Variants in ABCB1 observed in about 807,000 individuals in gnomAD.
ABCB1 encodes ATP-dependent translocase ABCB1.
A neutral mutation model predicts 142.0 loss-of-function variants in ABCB1; 69 were observed. The ratio of observed to expected loss-of-function variants is 0.49; its 90% confidence interval spans 0.40 to 0.59. The LOEUF (loss-of-function observed/expected upper bound fraction) is 0.59. Ranked by LOEUF, ABCB1 falls within the 20% of genes least tolerant of loss-of-function variation. The pLI is 0.00. For missense variants in ABCB1, 1,326 were observed against 1,554.7 expected (o/e 0.85, Z 2.47); for synonymous variants, 532 against 539.2 (o/e 0.99, Z 0.18).
chr7:87,629,974 G>GT (rs1821044074), intron 1 of ABCB1, among the ~76,000 whole-genome samples: 1 of 151,726 alleles, frequency 6.6e-6, no homozygotes, highest in Non-Finnish European at 1.5e-5. Context: ...GAGATAACTG[G>GT]TTTTTAACAT....
rs986694671 is a variant in ABCB1, at chr7:87,513,905, C to T, written c.3282+1326G>A. 2.0e-5 allele frequency among the ~76,000 whole-genome samples: 3 copies of T among 152,282 alleles called. No individual in the cohort carries two copies. In the South Asian group the frequency reaches 6.2e-4, roughly 32 times the overall value. On this transcript the variant is annotated intron_variant, in intron 25 of 27. Transcript: ENST00000622132. ...CAGTGTCTGAGAGCTAACATTTCCT[C>T]CTCTAATTGCTTTGGCTGTCAGCGA...
Position 87,553,779 on chromosome 7 carries a change from A to C in ABCB1, c.981T>G (p.Ser327=), listed in dbSNP as rs200490161. Residue 327 remains serine (S), a synonymous_variant, in exon 9 of 28, where the codon TCT becomes TCG. Transcript: ENST00000622132. The stretch of plus-strand genomic sequence containing the variant: ...CACTTACAGTGAGTACTTGTCCAAT[A>C]GAATATTCCCCTGAGAGGACCAAGG... ...GTTLVLSGEY[S]IGQVLTVFFS... The C allele has an allele frequency of 6.2e-7, 1 of 1,613,956 alleles. No individual in the cohort carries two copies. Among genetic ancestry groups the C allele is most frequent in the African/African-American group, 1.3e-5 (1 of 74,932 alleles).
chr7:87,641,813 C>T (rs1267822286), intron 1 of ABCB1, among the ~76,000 whole-genome samples: 1 of 152,050 alleles, frequency 6.6e-6, no homozygotes, highest in Non-Finnish European at 1.5e-5. Context: ...TGGTGATTGT[C>T]TTTAGAAGAG....
chr7:87,621,497 A>G (rs1337533001), intron 1 of ABCB1, among the ~76,000 whole-genome samples: 1 of 152,138 alleles, frequency 6.6e-6, no homozygotes. Flanking sequence ...AGATAACTCT[A>G]TAAATATCAA....
At chr7:87,634,045 A>G (rs1003296615) in intron 1 of ABCB1, among the ~76,000 whole-genome samples, 2 of 152,104 alleles carry the variant, frequency 1.3e-5, no homozygotes, top group Non-Finnish European at 2.9e-5. Flanking sequence ...AGGTGTGAAG[A>G]GAGACCAAAC....
chr7:87,520,922 TG>T, intron 21 of ABCB1, 46 bp from the exon 22 acceptor site: 1 of 1,401,282 alleles, frequency 7.1e-7, no homozygotes, highest in Non-Finnish European at 1.0e-6. Flanking sequence ...GAGTAAATAG[TG>T]GTGATTAATT....
chr7:87,548,460 C>T (rs1001071492), intron 14 of ABCB1, among the ~76,000 whole-genome samples: 5 of 152,170 alleles, frequency 3.3e-5, no homozygotes, highest in African/African-American at 9.7e-5. Flanking sequence ...AGAATCCCAT[C>T]GGCCTCTATT....
intron 1 of ABCB1, among the ~76,000 whole-genome samples, chr7:87,647,470 C>T (rs956461630): frequency 6.6e-6 from 1 of 152,032 alleles, no homozygotes; most frequent in Non-Finnish European, 1.5e-5. Context: ...AAGATATTTG[C>T]AAACATGTAA....
chr7:87,543,356 T>C (rs1430256763), intron 17 of ABCB1, among the ~76,000 whole-genome samples: 1 of 152,124 alleles, frequency 6.6e-6, no homozygotes, highest in Non-Finnish European at 1.5e-5. Context: ...AAACATGAAT[T>C]CATGAATGAA....
chr7:87,631,547 C>T lies in ABCB1; in HGVS notation c.-330-30469G>A, dbSNP rs28381765. ...CTGGGACTACAGGCGCCCGCCACCA[C>T]GCCCGGCTAATTTTTTGTGTTTTGT... On this transcript the variant is annotated intron_variant, in intron 1 of 28. Transcript: ENST00000265724. Among the ~76,000 whole-genome samples the T allele has an allele frequency of 6.9e-3, 1,056 of 152,294 alleles. 12 individuals are homozygous for T. The highest frequency in any genetic ancestry group is 0.023 in the African/African-American group (975 of 41,576).
chr7:87,661,588 A>G (rs1036737715), intron 1 of ABCB1, among the ~76,000 whole-genome samples: 4 of 151,858 alleles, frequency 2.6e-5, no homozygotes, highest in African/African-American at 9.7e-5. Context: ...TGTTTTTGCA[A>G]ATGATAGGAT....
At chr7:87,529,534 C>T (rs1278202586) in intron 21 of ABCB1, among the ~76,000 whole-genome samples, 1 of 152,170 alleles carries the variant, frequency 6.6e-6, no homozygotes, top group African/African-American at 2.4e-5. Flanking sequence ...CATCTGCTCC[C>T]CTTCCTTTGG....
At chr7:87,643,120 G>C (rs1343200175) in intron 1 of ABCB1, among the ~76,000 whole-genome samples, 1 of 152,082 alleles carries the variant, frequency 6.6e-6, no homozygotes, top group East Asian at 1.9e-4. Context: ...CTCTTGCTTT[G>C]TTGCTCAAAC....
intron 26 of ABCB1, among the ~76,000 whole-genome samples, chr7:87,509,055 C>T (rs780314151): frequency 3.0e-4 from 46 of 152,136 alleles, no homozygotes; most frequent in Non-Finnish European, 4.9e-4. Flanking sequence ...CTGAAGTGGT[C>T]GAACACTTTC....
At chr7:87,511,431 G>A (rs1171769368) in intron 25 of ABCB1, among the ~76,000 whole-genome samples, 3 of 152,180 alleles carry the variant, frequency 2.0e-5, no homozygotes, top group Non-Finnish European at 4.4e-5. Context: ...TCTATTGCTT[G>A]CTTTCATTAG....
At chr7:87,629,764 A>C (rs1821012488) in intron 1 of ABCB1, among the ~76,000 whole-genome samples, 1 of 151,736 alleles carries the variant, frequency 6.6e-6, no homozygotes, top group African/African-American at 2.4e-5. Context: ...GTCTCTACTA[A>C]AAATACAAAA....
At chr7:87,638,335 A>G (rs1372857858) in intron 1 of ABCB1, among the ~76,000 whole-genome samples, 1 of 130,258 alleles carries the variant, frequency 7.7e-6, no homozygotes, top group African/African-American at 3.2e-5. Flanking sequence ...ACAAGTTAGG[A>G]AGTATGTGTT....
At chr7:87,538,415 T>C (rs1360410963) in intron 19 of ABCB1, among the ~76,000 whole-genome samples, 1 of 152,140 alleles carries the variant, frequency 6.6e-6, no homozygotes, top group East Asian at 1.9e-4. Flanking sequence ...ATGGGAGGAA[T>C]GGGGAAGAAC....
chr7:87,589,042 C>T (rs896332199), intron 3 of ABCB1, among the ~76,000 whole-genome samples: 1 of 151,966 alleles, frequency 6.6e-6, no homozygotes, highest in African/African-American at 2.4e-5. Context: ...ATGCTAGAAC[C>T]TCATATTTCT....
Sources: gnomAD v4.1 joint callset for allele counts (sites outside exome capture counted in the v4.1 genomes callset) on GRCh38, gnomAD v4.1.1 for gene constraint, MANE v1.5 for transcripts, NCBI Gene and HGNC (gene_info 2026-07-23, HGNC 2026-07-21) for gene names.